Variants in CSNK1G2 observed in about 807,000 individuals in gnomAD.
The protein encoded by CSNK1G2 is casein kinase 1 gamma 2.
A neutral mutation model predicts 48.0 loss-of-function variants in CSNK1G2; 11 were observed. The ratio of observed to expected loss-of-function variants is 0.23; its 90% CI spans 0.14 to 0.38. The LOEUF (loss-of-function observed/expected upper bound fraction) is 0.38, where lower values mean the gene tolerates loss of function less well. Ranked by LOEUF, CSNK1G2 falls within the 10% of genes least tolerant of loss-of-function variation. CSNK1G2 has a pLI of 1.00. For synonymous variants in CSNK1G2, 337 were observed against 254.1 expected, an observed-to-expected ratio of 1.33 and a Z score of -3.10; for missense variants, 446 against 595.5, an observed-to-expected ratio of 0.75 and a Z score of 2.61.
chr19:1,961,084 G>T (rs2015183367), intron 1 of CSNK1G2, among the ~76,000 whole-genome samples: 1 of 152,238 alleles, frequency 6.6e-6, no homozygotes, highest in African/African-American at 2.4e-5. Flanking sequence ...CCGCATGGTG[G>T]TCCTCTGCGG....
rs1599319033 is a variant in CSNK1G2 at position 1,969,563 on chromosome 19, C to G, written c.-210C>G. ...TGTGTCAGCAGAATGTCTCCTGCCC[C>G]CGAGAGCGACCCCGAGGCCACTGAG... is the stretch of plus-strand genomic sequence containing the variant. On this transcript the variant is annotated 5_prime_UTR_variant, in exon 2 of 12. Transcript: ENST00000255641. 2.6e-6 allele frequency: 1 copy of G among 391,136 alleles called. No individual in the cohort carries two copies. The allele number at this position is 391,136 out of a possible 1,614,324, so 24.2% of individuals were successfully genotyped here. A position where few individuals can be genotyped will look rare whatever the true frequency, so the allele number is the denominator to read the frequency against.
At chr19:1,954,023 C>T (rs371184107) in intron 1 of CSNK1G2, 9 of 530,576 alleles carry the variant, frequency 1.7e-5, no homozygotes, top group East Asian at 5.5e-5. Flanking sequence ...CTCCGAGGAC[C>T]GGCCCTGCCC....
At chr19:1,961,936 C>T (rs1387696631) in intron 1 of CSNK1G2, among the ~76,000 whole-genome samples, 3 of 152,192 alleles carry the variant, frequency 2.0e-5, no homozygotes, top group African/African-American at 4.8e-5. Context: ...CCACCTCCCT[C>T]GTGTCCAGCA....
At chr19:1,965,944 G>A (rs1258278196) in intron 1 of CSNK1G2, among the ~76,000 whole-genome samples, 2 of 152,104 alleles carry the variant, frequency 1.3e-5, no homozygotes, top group Non-Finnish European at 2.9e-5. Flanking sequence ...CCACAGGTGC[G>A]CACCGCCATG....
intron 1 of CSNK1G2, among the ~76,000 whole-genome samples, chr19:1,952,316 G>A (rs544613668): frequency 1.3e-5 from 2 of 152,014 alleles, no homozygotes; most frequent in East Asian, 3.9e-4. Flanking sequence ...ATGCTTCCAC[G>A]TGCTCAACTT....
chr19:1,946,265 C>CATT (rs534248791), intron 1 of CSNK1G2, among the ~76,000 whole-genome samples: 1 of 114,406 alleles, frequency 8.7e-6, no homozygotes, highest in Non-Finnish European at 1.8e-5. Context: ...ACTATTTATT[C>CATT]GTTTATTTAT....
At chr19:1,952,248 T>C (rs2014790563) in intron 1 of CSNK1G2, among the ~76,000 whole-genome samples, 1 of 151,900 alleles carries the variant, frequency 6.6e-6, no homozygotes, top group Non-Finnish European at 1.5e-5. Flanking sequence ...AGTGCGCCGA[T>C]AGCGTGTGTC....
intron 1 of CSNK1G2, among the ~76,000 whole-genome samples, chr19:1,965,564 G>A (rs771230863): frequency 2.0e-5 from 3 of 151,692 alleles, no homozygotes; most frequent in African/African-American, 4.8e-5. Context: ...GCAGTAGCAC[G>A]ATCTTGGCTC....
chr19:1,970,202 G>A (rs2015518894), intron 2 of CSNK1G2, among the ~76,000 whole-genome samples: 1 of 152,240 alleles, frequency 6.6e-6, no homozygotes, highest in African/African-American at 2.4e-5. Flanking sequence ...GTTCTGTTGG[G>A]AGGCAGGTGG....
At chr19:1,956,485 C>G (rs1226185627) in intron 1 of CSNK1G2, among the ~76,000 whole-genome samples, 1 of 152,166 alleles carries the variant, frequency 6.6e-6, no homozygotes, top group Non-Finnish European at 1.5e-5. Flanking sequence ...CCACTGCACT[C>G]CAGCCTGGGT....
chr19:1,949,107 C>T (rs1024690494), intron 1 of CSNK1G2, among the ~76,000 whole-genome samples: 4 of 152,160 alleles, frequency 2.6e-5, no homozygotes, highest in Non-Finnish European at 4.4e-5. Context: ...AAAAAATCCA[C>T]GTCAGAGTGG....
intron 1 of CSNK1G2, among the ~76,000 whole-genome samples, chr19:1,955,847 GCCCTGA>G (rs1014893910): frequency 6.6e-6 from 1 of 152,210 alleles, no homozygotes; most frequent in African/African-American, 2.4e-5. Flanking sequence ...CTCCCGGCCG[GCCCTGA>G]GGCCGGGCAC....
In CSNK1G2 at chr19:1,957,880, G is replaced by A. The variant is rs991197310; in HGVS notation, c.-265-11628G>A. On this transcript the variant is annotated intron_variant, in intron 1 of 11. Transcript: ENST00000255641. This position sits in a 1 kb window ranked among gnomAD's most constrained non-coding sequence, Gnocchi z 5.4. ...GTGGGGTGGGCGCTCGGCGGGCACT[G>A]TGTGTGTGGCACGGCCACTGCTTAG... Among the ~76,000 whole-genome samples the A allele has an allele frequency of 6.6e-6, 1 of 152,108 alleles. No individual in the cohort carries two copies. The highest frequency in any genetic ancestry group is 2.4e-5 in the African/African-American group (1 of 41,420).
chr19:1,979,476 G>A lies in CSNK1G2; in HGVS notation c.854-19G>A, dbSNP rs553073752. The A allele has an allele frequency of 1.8e-5, 23 of 1,305,782 alleles. No homozygotes were observed. The highest frequency in any genetic ancestry group is 9.6e-5 in the South Asian group (7 of 73,088). 80.9% of individuals were successfully genotyped at this position (1,305,782 alleles called of 1,614,324 possible). A position where few individuals can be genotyped will look rare whatever the true frequency, so the allele number is the denominator to read the frequency against. ...CCACCCCCACCCCCGCCGAGGCCCCGCTGGCGCTCTCTCTGCAGAGGAGAT... is the reference window on the plus strand; with the variant it reads ...CCACCCCCACCCCCGCCGAGGCCCCACTGGCGCTCTCTCTGCAGAGGAGAT... On this transcript the variant is annotated intron_variant, in intron 8 of 11. Transcript: ENST00000255641.
intron 1 of CSNK1G2, among the ~76,000 whole-genome samples, chr19:1,960,443 G>A (rs1006866276): frequency 1.3e-5 from 2 of 152,224 alleles, no homozygotes; most frequent in African/African-American, 4.8e-5. Flanking sequence ...CTCAGGCGGG[G>A]CCTCTGGGCA....
Position 1,969,612 on chromosome 19 carries a change from C to A in CSNK1G2, c.-161C>A. The A allele has an allele frequency of 3.5e-6, 2 of 565,850 alleles. No homozygotes were observed. Among genetic ancestry groups the A allele is most frequent in the Non-Finnish European group, 5.4e-6 (2 of 369,224 alleles). 35.1% of individuals were successfully genotyped at this position (565,850 alleles called of 1,614,324 possible). ...AGAAGAGCAGCGCGGCCTGGCCGGC[C>A]CGAACGCCTGCGTCTCAGTAGCTGG... is the stretch of plus-strand genomic sequence containing the variant. On this transcript the variant is annotated 5_prime_UTR_variant, in exon 2 of 12. Transcript: ENST00000255641.
chr19:1,946,136 G>C (rs909453514), intron 1 of CSNK1G2, among the ~76,000 whole-genome samples: 1 of 152,164 alleles, frequency 6.6e-6, no homozygotes, highest in African/African-American at 2.4e-5. Context: ...CATACCTGCA[G>C]GGGGAGCTAG....
In CSNK1G2 at chr19:1,978,274, C is replaced by G. The variant is rs763418049; in HGVS notation, c.188-31C>G. The G allele has an allele frequency of 1.3e-5, 21 of 1,612,626 alleles. No individual in the cohort carries two copies. In the Middle Eastern group the frequency reaches 1.0e-3, roughly 80 times the overall value. On this transcript the variant is annotated intron_variant, in intron 2 of 11. Transcript: ENST00000255641. The surrounding 1 kb of genome is among the most constrained non-coding windows in gnomAD (Gnocchi z 7.3). Reference sequence around the variant, plus strand: ...AGGTCGGGGCTAGGTGGGCCCTGCGCTGGCGGTGCTGATGGTCTCTGTCCC... The same window carrying G: ...AGGTCGGGGCTAGGTGGGCCCTGCGGTGGCGGTGCTGATGGTCTCTGTCCC...
At chr19:1,955,762 C>T (rs1876913821) in intron 1 of CSNK1G2, among the ~76,000 whole-genome samples, 1 of 152,192 alleles carries the variant, frequency 6.6e-6, no homozygotes, top group Non-Finnish European at 1.5e-5. Context: ...GAGGCTGCTG[C>T]TCGGCTCCGG....
Sources: allele counts gnomAD v4.1 joint callset (sites outside exome capture counted in the v4.1 genomes callset), GRCh38; gene constraint gnomAD v4.1.1; non-coding constraint Gnocchi (gnomAD v3.1); transcripts MANE v1.5; gene names NCBI Gene and HGNC (gene_info 2026-07-23, HGNC 2026-07-21).